Variants in SPON1 observed in about 807,000 individuals in gnomAD.
SPON1 encodes the protein spondin 1.
In SPON1, 52 loss-of-function variants were observed where a neutral mutation model predicts 111.7. The ratio of observed to expected loss-of-function variants is 0.47; its 90% CI spans 0.37 to 0.59. The LOEUF is 0.59. SPON1 is among the 20% of genes least tolerant of loss of function. The probability of loss-of-function intolerance (pLI) is 0.00; values close to 1 mark genes in which losing one functional copy is unlikely to be tolerated. For synonymous variants in SPON1, 410 were observed against 395.8 expected, an observed-to-expected ratio of 1.04 and a Z score of -0.43; for missense variants, 957 against 1,068.5, an observed-to-expected ratio of 0.90 and a Z score of 1.46.
intron 1 of SPON1, among the ~76,000 whole-genome samples, chr11:13,980,828 G>A (rs1422331289): frequency 6.6e-6 from 1 of 152,202 alleles, no homozygotes; most frequent in Non-Finnish European, 1.5e-5. Context: ...TGGATATAGT[G>A]TTAAACTGGG....
At chr11:14,069,477 C>G (rs942378261) in intron 3 of SPON1, among the ~76,000 whole-genome samples, 1 of 152,124 alleles carries the variant, frequency 6.6e-6, no homozygotes, top group African/African-American at 2.4e-5. Flanking sequence ...ATCATCTCCT[C>G]CTCTTGAAGC....
At chr11:14,017,437 T>C (rs1181556037) in intron 2 of SPON1, among the ~76,000 whole-genome samples, 5 of 152,360 alleles carry the variant, frequency 3.3e-5, no homozygotes, top group African/African-American at 1.2e-4. Flanking sequence ...ATAAAGCTTC[T>C]CTTCTCGTGT....
At chr11:14,211,689 T>C (rs1290678200) in intron 6 of SPON1, among the ~76,000 whole-genome samples, 2 of 152,214 alleles carry the variant, frequency 1.3e-5, no homozygotes, top group Non-Finnish European at 2.9e-5. Flanking sequence ...TAATAATGTA[T>C]ATAGTAATGT....
At chr11:14,183,478 T>C (rs1264756780) in intron 6 of SPON1, among the ~76,000 whole-genome samples, 1 of 152,230 alleles carries the variant, frequency 6.6e-6, no homozygotes, top group Non-Finnish European at 1.5e-5. Context: ...ATTGTTGAAA[T>C]GTTTTTAAGT....
chr11:14,257,675 C>T, intron 10 of SPON1, 41 bp from the exon 11 acceptor site: 1 of 1,548,284 alleles, frequency 6.5e-7, no homozygotes, highest in Non-Finnish European at 8.7e-7. Context: ...GTGGCAGCTC[C>T]CATAGGTTCC....
At chr11:14,115,297 A>G (rs1192316496) in intron 5 of SPON1, among the ~76,000 whole-genome samples, 4 of 152,214 alleles carry the variant, frequency 2.6e-5, no homozygotes, top group Non-Finnish European at 5.9e-5. Flanking sequence ...AGCATAACAT[A>G]TACACAGAAA....
chr11:14,112,464 A>C (rs1849233497), intron 5 of SPON1, among the ~76,000 whole-genome samples: 1 of 152,196 alleles, frequency 6.6e-6, no homozygotes, highest in South Asian at 2.1e-4. Flanking sequence ...AAGACATTTA[A>C]CTCCTCTGTG....
intron 1 of SPON1, among the ~76,000 whole-genome samples, chr11:13,978,291 A>C (rs1485327885): frequency 6.6e-6 from 1 of 152,134 alleles, no homozygotes; most frequent in Admixed American, 6.5e-5. Flanking sequence ...CAAAGAGCAT[A>C]CTGGGATTTT....
At chr11:14,182,562 C>G (rs926149684) in intron 6 of SPON1, among the ~76,000 whole-genome samples, 6 of 152,182 alleles carry the variant, frequency 3.9e-5, no homozygotes, top group South Asian at 2.1e-4. Context: ...AGAGACCTCC[C>G]TTTTCTGAAC....
chr11:14,196,486 A>G (rs1366565349), intron 6 of SPON1, among the ~76,000 whole-genome samples: 2 of 152,216 alleles, frequency 1.3e-5, no homozygotes, highest in Middle Eastern at 3.2e-3. Context: ...ATATATCCCA[A>G]TAAAGCTGCT....
intron 7 of SPON1, 74 bp downstream of exon 7, chr11:14,243,470 C>A: frequency 8.2e-7 from 1 of 1,215,558 alleles, no homozygotes; most frequent in Non-Finnish European, 1.2e-6. Context: ...TAATGGCCAC[C>A]ACATACCAGT....
chr11:14,124,970 A>G (rs782409181), intron 5 of SPON1, among the ~76,000 whole-genome samples: 15 of 152,234 alleles, frequency 9.9e-5, no homozygotes, highest in Non-Finnish European at 1.6e-4. Flanking sequence ...AGAAGGCAGG[A>G]TAATAGAAAA....
intron 6 of SPON1, among the ~76,000 whole-genome samples, chr11:14,196,661 G>A (rs188005492): frequency 6.6e-6 from 1 of 152,310 alleles, no homozygotes; most frequent in Admixed American, 6.5e-5. Context: ...TCAGTGCTGG[G>A]TTTCCCCTAG....
At chr11:14,220,294 G>T (rs1165288817) in intron 6 of SPON1, among the ~76,000 whole-genome samples, 2 of 151,944 alleles carry the variant, frequency 1.3e-5, no homozygotes, top group African/African-American at 4.8e-5. Flanking sequence ...GGAAATAATA[G>T]GACCACACTC....
intron 6 of SPON1, among the ~76,000 whole-genome samples, chr11:14,170,226 G>T (rs1399596143): frequency 6.6e-6 from 1 of 152,058 alleles, no homozygotes; most frequent in East Asian, 1.9e-4. Flanking sequence ...TTGTAAGTTG[G>T]ATTCCTAGGT....
At chr11:14,103,852 T>C (rs1241121281) in intron 5 of SPON1, among the ~76,000 whole-genome samples, 2 of 152,234 alleles carry the variant, frequency 1.3e-5, no homozygotes, top group African/African-American at 2.4e-5. Flanking sequence ...TATCATTTTC[T>C]TATTAATTTA....
At chr11:14,152,072 T>C (rs1357262379) in intron 6 of SPON1, among the ~76,000 whole-genome samples, 1 of 152,218 alleles carries the variant, frequency 6.6e-6, no homozygotes, top group Non-Finnish European at 1.5e-5. Context: ...TATGGGTGTC[T>C]GCTCCTAAAA....
intron 2 of SPON1, among the ~76,000 whole-genome samples, chr11:14,000,275 G>A (rs1350064389): frequency 1.3e-5 from 2 of 151,976 alleles, no homozygotes; most frequent in East Asian, 1.9e-4. Flanking sequence ...ACTTCTTTCC[G>A]GTTTCTGCTC....
intron 3 of SPON1, among the ~76,000 whole-genome samples, chr11:14,072,497 C>T (rs960117366): frequency 6.6e-6 from 1 of 151,848 alleles, no homozygotes; most frequent in Non-Finnish European, 1.5e-5. Context: ...CAAGCAAAGG[C>T]AGGCATGGGT....
Sources: allele counts gnomAD v4.1 joint callset (sites outside exome capture counted in the v4.1 genomes callset), GRCh38; gene constraint gnomAD v4.1.1; transcripts MANE v1.5; gene names NCBI Gene and HGNC (gene_info 2026-07-23, HGNC 2026-07-21).